The following PCNX1 variants were observed in gnomAD, a reference collection of about 807,000 sequenced individuals.
The protein encoded by PCNX1 is pecanex-like protein 1.
Under a neutral mutation model 242.2 loss-of-function variants are expected in PCNX1, and 78 were observed. The observed-to-expected ratio is 0.32, with a 90% CI of 0.27 to 0.39. PCNX1 has a LOEUF of 0.39. Ranked by LOEUF, PCNX1 falls within the 10% of genes least tolerant of loss-of-function variation. PCNX1 has a pLI of 1.00. For synonymous variants in PCNX1, 1,024 were observed against 1,032.9 expected (o/e 0.99, Z 0.17); for missense variants, 2,581 against 2,856.5 (o/e 0.90, Z 2.20).
At chr14:71,012,887 T>G in intron 10 of PCNX1, 98 bp from the exon 11 acceptor site, 1 of 821,446 alleles carries the variant, frequency 1.2e-6, no homozygotes, top group South Asian at 1.5e-5. Context: ...ATAAGCTAAT[T>G]GAGTAACTGT....
chr14:71,062,521 C>T (rs1336922583), intron 26 of PCNX1, among the ~76,000 whole-genome samples: 1 of 150,908 alleles, frequency 6.6e-6, no homozygotes, highest in Non-Finnish European at 1.5e-5. Context: ...TTTAAAAAAG[C>T]TTACAGAATA....
chr14:71,095,370 T>C (rs1009736640), intron 30 of PCNX1, among the ~76,000 whole-genome samples: 4 of 152,236 alleles, frequency 2.6e-5, no homozygotes, highest in African/African-American at 9.6e-5. Flanking sequence ...ATGAGTTTCA[T>C]TGTTCTAAAA....
chr14:70,928,678 C>G (rs547611428), intron 1 of PCNX1, among the ~76,000 whole-genome samples: 2 of 152,282 alleles, frequency 1.3e-5, no homozygotes, highest in South Asian at 4.2e-4. Context: ...TAGTGCCTCT[C>G]AAGTTATATT....
intron 1 of PCNX1, among the ~76,000 whole-genome samples, chr14:70,931,229 TGTGA>T (rs1414863934): frequency 3.3e-5 from 5 of 152,176 alleles, no homozygotes; most frequent in Non-Finnish European, 5.9e-5. Flanking sequence ...TTTCTATCAT[TGTGA>T]GTAAGTAGAG....
chr14:70,917,667 A>G (rs1396487164), intron 1 of PCNX1, among the ~76,000 whole-genome samples: 1 of 152,192 alleles, frequency 6.6e-6, no homozygotes, highest in Non-Finnish European at 1.5e-5. Flanking sequence ...AATTTGGAAT[A>G]ATTCTTAAGG....
chr14:70,930,140 T>G (rs1433162644), intron 1 of PCNX1, among the ~76,000 whole-genome samples: 1 of 152,096 alleles, frequency 6.6e-6, no homozygotes, highest in African/African-American at 2.4e-5. Flanking sequence ...TGTATGTGTT[T>G]GTGTGTTTTT....
chr14:70,962,818 A>G (rs2058264120), intron 3 of PCNX1, among the ~76,000 whole-genome samples: 1 of 152,206 alleles, frequency 6.6e-6, no homozygotes, highest in African/African-American at 2.4e-5. Context: ...TTGAAGTTTT[A>G]TTTCAAAACT....
chr14:71,115,221 T>G lies in PCNX1; in HGVS notation c.*5286T>G, dbSNP rs2062834869. 6.5e-6 allele frequency: 1 copy of G among 152,716 alleles called. No homozygotes were observed. The highest frequency in any genetic ancestry group is 2.1e-4 in the South Asian group (1 of 4,824). The allele number at this position is 152,716 out of a possible 1,614,324, so 9.5% of individuals were successfully genotyped here. A position where few individuals can be genotyped will look rare whatever the true frequency, so the allele number is the denominator to read the frequency against. The stretch of plus-strand genomic sequence containing the variant: ...GGACATATGTACTTACGTGTGTCTG[T>G]GAGTGTGTGTGTGTCTGAGTGTTAT... On this transcript the variant is annotated 3_prime_UTR_variant, in exon 36 of 36. Transcript: ENST00000304743.
At chr14:70,908,046 C>G in intron 1 of PCNX1, 43 bp downstream of exon 1, 3 of 1,516,100 alleles carry the variant, frequency 2.0e-6, no homozygotes, top group Non-Finnish European at 1.8e-6. Context: ...TCCCCGCGAG[C>G]CGGTGGGGAG....
At chr14:71,103,158 T>C (rs2062509137) in intron 31 of PCNX1, among the ~76,000 whole-genome samples, 1 of 152,268 alleles carries the variant, frequency 6.6e-6, no homozygotes, top group Admixed American at 6.5e-5. Flanking sequence ...TTTTACTTGA[T>C]ACTTTAAATA....
At chr14:71,008,281 A>G (rs2059721271) in intron 8 of PCNX1, among the ~76,000 whole-genome samples, 1 of 152,190 alleles carries the variant, frequency 6.6e-6, no homozygotes, top group Non-Finnish European at 1.5e-5. Flanking sequence ...CTTAAATAAA[A>G]AGCCCTTATT....
chr14:70,966,154 T>C (rs2030098715), intron 3 of PCNX1, among the ~76,000 whole-genome samples: 1 of 152,210 alleles, frequency 6.6e-6, no homozygotes, highest in South Asian at 2.1e-4. Context: ...GTTTCACTTG[T>C]AAATAGTCAT....
chr14:70,961,668 C>G (rs1180498962), intron 2 of PCNX1, among the ~76,000 whole-genome samples: 1 of 152,124 alleles, frequency 6.6e-6, no homozygotes. Context: ...TCTTAGGTTT[C>G]CAGTTCTGTA....
At chr14:71,066,231 C>A (rs1392381066) in intron 26 of PCNX1, among the ~76,000 whole-genome samples, 1 of 152,168 alleles carries the variant, frequency 6.6e-6, no homozygotes, top group African/African-American at 2.4e-5. Context: ...AATATTGATT[C>A]TTCCTATCCA....
chr14:71,108,544 A>AC (rs1276631067), intron 33 of PCNX1, 60 bp from the exon 34 acceptor site: 2 of 1,357,424 alleles, frequency 1.5e-6, no homozygotes, highest in African/African-American at 2.9e-5. Context: ...AAACTGCAAA[A>AC]CAGAAGTATT....
At chr14:70,917,790 T>C (rs1479581686) in intron 1 of PCNX1, among the ~76,000 whole-genome samples, 11 of 152,212 alleles carry the variant, frequency 7.2e-5, no homozygotes, top group African/African-American at 1.2e-4. Context: ...AAGCCAGATA[T>C]TGACTTAACC....
chr14:70,932,854 C>T (rs972420443), intron 1 of PCNX1, among the ~76,000 whole-genome samples: 2 of 152,056 alleles, frequency 1.3e-5, no homozygotes, highest in Admixed American at 6.5e-5. Flanking sequence ...TCAGGTGATC[C>T]GCCTGCCTCG....
intron 5 of PCNX1, among the ~76,000 whole-genome samples, chr14:70,972,516 CT>C (rs1008886008): frequency 6.6e-6 from 1 of 152,148 alleles, no homozygotes; most frequent in African/African-American, 2.4e-5. Context: ...TTTATGTGGC[CT>C]TTACTTCTTG....
intron 8 of PCNX1, among the ~76,000 whole-genome samples, chr14:71,008,774 G>A (rs1337238283): frequency 6.6e-6 from 1 of 151,332 alleles, no homozygotes; most frequent in African/African-American, 2.4e-5. Context: ...TGGTTGCAGA[G>A]TTGTATACCT....
Sources: allele counts gnomAD v4.1 joint callset (sites outside exome capture counted in the v4.1 genomes callset), GRCh38; gene constraint gnomAD v4.1.1; transcripts MANE v1.5; gene names NCBI Gene and HGNC (gene_info 2026-07-23, HGNC 2026-07-21).